Variants in MAGI2 observed in about 807,000 individuals in gnomAD.
The protein encoded by MAGI2 is membrane associated guanylate kinase, WW and PDZ domain containing 2.
MAGI2 carries 35 observed loss-of-function variants against 133.3 expected under a neutral mutation model. The observed-to-expected ratio is 0.26, with a 90% CI of 0.20 to 0.35. The LOEUF is 0.35. Among genes scored for constraint, MAGI2 ranks in the 10% least tolerant of loss-of-function variants. The pLI is 1.00. For synonymous variants in MAGI2, 729 were observed against 710.6 expected (o/e 1.03, Z -0.41); for missense variants, 1,636 against 1,863.4 (o/e 0.88, Z 2.25).
rs200898650 is a variant in MAGI2 at position 78,603,502 on chromosome 7, TC to T, written c.538+23617del. 1.2e-3 allele frequency among the ~76,000 whole-genome samples: 179 copies of T among 152,316 alleles called. 2 individuals are homozygous for T. In the East Asian group the frequency reaches 0.033, roughly 28 times the overall value. On this transcript the variant is annotated intron_variant, in intron 3 of 21. Transcript: ENST00000354212. ...CATTCAAGATTTGAAGCTTTCTTGATCTAGGCATATTCTGGCAGATAATATT... is the reference window on the plus strand; with the variant it reads ...CATTCAAGATTTGAAGCTTTCTTGATTAGGCATATTCTGGCAGATAATATT...
At chr7:78,119,557 CAAAAAAAAAAAAA>C (rs1166809821) in intron 20 of MAGI2, among the ~76,000 whole-genome samples, 1 of 48,916 alleles carries the variant, frequency 2.0e-5, no homozygotes, top group African/African-American at 7.6e-5. Flanking sequence ...TGAGACTCCT[CAAAAAAAAAAAAA>C]AAAAAAAAAA....
intron 3 of MAGI2, among the ~76,000 whole-genome samples, chr7:78,538,673 A>T (rs2160186): frequency 0.81 from 123,833 of 152,156 alleles, 51,085 homozygotes; most frequent in African/African-American, 0.95. Flanking sequence ...GCAATGCTAC[A>T]GATTTGTGTA....
chr7:79,070,660 T>G (rs1814875662), intron 1 of MAGI2, among the ~76,000 whole-genome samples: 1 of 151,340 alleles, frequency 6.6e-6, no homozygotes, highest in Non-Finnish European at 1.5e-5. Context: ...CCCAGCCAAT[T>G]TTTTGTATTT....
intron 9 of MAGI2, among the ~76,000 whole-genome samples, chr7:78,310,140 T>C (rs947658020): frequency 2.0e-5 from 3 of 152,110 alleles, no homozygotes; most frequent in Non-Finnish European, 2.9e-5. Context: ...ATATATATTT[T>C]AAAAGTACAT....
chr7:78,634,270 A>G (rs1399305429), intron 2 of MAGI2, among the ~76,000 whole-genome samples: 1 of 152,240 alleles, frequency 6.6e-6, no homozygotes, highest in East Asian at 1.9e-4. Context: ...GCTAATGCCT[A>G]TGGCCTAGGC....
At chr7:79,235,565 G>T (rs531200792) in intron 1 of MAGI2, among the ~76,000 whole-genome samples, 2 of 152,158 alleles carry the variant, frequency 1.3e-5, no homozygotes, top group African/African-American at 4.8e-5. Context: ...TTCCAGGTGC[G>T]TCCGTCACCC....
At chr7:78,105,561 A>T (rs10232797) in intron 20 of MAGI2, among the ~76,000 whole-genome samples, 111,724 of 152,086 alleles carry the variant, frequency 0.73, 41,081 homozygotes, top group East Asian at 0.78. Flanking sequence ...GGAAATGAAA[A>T]ACATAATAGT....
intron 2 of MAGI2, among the ~76,000 whole-genome samples, chr7:78,908,073 G>T (rs1245816573): frequency 6.6e-6 from 1 of 152,246 alleles, no homozygotes. Context: ...AGTAAGTTAG[G>T]GGGGAAATGT....
chr7:79,002,450 G>A (rs569221102), intron 2 of MAGI2, among the ~76,000 whole-genome samples: 9 of 152,052 alleles, frequency 5.9e-5, no homozygotes, highest in Admixed American at 5.2e-4. Flanking sequence ...CTGTGTATTT[G>A]CACACACATG....
intron 2 of MAGI2, among the ~76,000 whole-genome samples, chr7:78,680,224 C>A (rs895729022): frequency 6.6e-6 from 1 of 152,046 alleles, no homozygotes; most frequent in Non-Finnish European, 1.5e-5. Context: ...ACTCAAGAAC[C>A]ATTAACATGG....
At chr7:78,177,311 A>T (rs540264858) in intron 14 of MAGI2, among the ~76,000 whole-genome samples, 1 of 152,072 alleles carries the variant, frequency 6.6e-6, no homozygotes, top group South Asian at 2.1e-4. Flanking sequence ...ATCTTTTACA[A>T]TGAGTGTTTT....
intron 6 of MAGI2, among the ~76,000 whole-genome samples, chr7:78,465,905 G>A (rs570739402): frequency 3.7e-4 from 56 of 152,098 alleles, no homozygotes; most frequent in African/African-American, 8.0e-4. Flanking sequence ...TATGCACTTC[G>A]GCCGTAAAGC....
chr7:78,116,004 A>G lies in MAGI2; in HGVS notation c.3567+9690T>C, dbSNP rs1819833853. ...AATCTATACAACACAGCACTCAACAATTGCAGAATGCACATTCTTTCCAAG... is the reference window on the plus strand; with the variant it reads ...AATCTATACAACACAGCACTCAACAGTTGCAGAATGCACATTCTTTCCAAG... On this transcript the variant is annotated intron_variant, in intron 20 of 21. Coordinates refer to ENST00000354212, the MANE Select transcript of MAGI2 (RefSeq NM_012301.4). 2.0e-5 allele frequency among the ~76,000 whole-genome samples: 3 copies of G among 152,348 alleles called. No individual in the cohort carries two copies. The South Asian group carries it at 6.2e-4, about 32-fold the overall frequency.
At chr7:79,368,775 G>A (rs1346955900) in intron 1 of MAGI2, among the ~76,000 whole-genome samples, 1 of 148,952 alleles carries the variant, frequency 6.7e-6, no homozygotes, top group African/African-American at 2.5e-5. Context: ...GTGAACCCGG[G>A]AGGCGGAGCT....
chr7:78,949,640 G>A (rs1234453070), intron 2 of MAGI2, among the ~76,000 whole-genome samples: 2 of 152,158 alleles, frequency 1.3e-5, no homozygotes, highest in Non-Finnish European at 2.9e-5. Context: ...AAGTTTTTAT[G>A]TTGTATAATG....
Position 78,042,878 on chromosome 7 carries a change from T to C in MAGI2, c.3707-22902A>G, listed in dbSNP as rs533715295. The stretch of plus-strand genomic sequence containing the variant: ...TGCCAAATGCAGCTGACTGATACAA[T>C]TGCCAGACCCCACGACTCAGGGCTT... On this transcript the variant is annotated intron_variant, in intron 21 of 21. Coordinates refer to ENST00000354212, the MANE Select transcript of MAGI2 (RefSeq NM_012301.4). Among the ~76,000 whole-genome samples the C allele has an allele frequency of 3.3e-5, 5 of 152,334 alleles. No homozygotes were observed. In the East Asian group the frequency reaches 9.6e-4, roughly 29 times the overall value.
At chr7:78,832,017 A>G (rs550863042) in intron 2 of MAGI2, among the ~76,000 whole-genome samples, 7 of 152,322 alleles carry the variant, frequency 4.6e-5, no homozygotes, top group Admixed American at 3.3e-4. Flanking sequence ...CAGTGTGTCA[A>G]TATGAATGAG....
intron 1 of MAGI2, among the ~76,000 whole-genome samples, chr7:79,300,339 A>T (rs1837296385): frequency 6.6e-6 from 1 of 152,168 alleles, no homozygotes; most frequent in African/African-American, 2.4e-5. Context: ...TGAAATGAGA[A>T]ATCTTATTGG....
intron 12 of MAGI2, 122 bp from the exon 13 acceptor site, chr7:78,185,792 C>CTTT: frequency 1.6e-6 from 1 of 628,848 alleles, no homozygotes; most frequent in Non-Finnish European, 2.6e-6. Context: ...ATGTTTAAGA[C>CTTT]TTTTTTTTTC....
Sources: allele counts gnomAD v4.1 joint callset (sites outside exome capture counted in the v4.1 genomes callset), GRCh38; gene constraint gnomAD v4.1.1; transcripts MANE v1.5; gene names NCBI Gene and HGNC (gene_info 2026-07-23, HGNC 2026-07-21).